The following IQCH variants were observed in gnomAD, a reference collection of about 807,000 sequenced individuals.
IQCH encodes IQ domain-containing protein H.
Under a neutral mutation model 117.0 loss-of-function variants are expected in IQCH, and 98 were observed. That is an observed-to-expected ratio of 0.84 (90% CI 0.71 to 0.99). The LOEUF (loss-of-function observed/expected upper bound fraction) is 0.99, where lower values mean the gene tolerates loss of function less well. IQCH is among the 50% of genes least tolerant of loss of function. The pLI is 0.00. For missense variants in IQCH, 1,102 were observed against 1,243.8 expected (o/e 0.89, Z 1.72); for synonymous variants, 412 against 448.2 (o/e 0.92, Z 1.02).
At chr15:67,341,652 T>C (rs549798731) in intron 5 of IQCH, among the ~76,000 whole-genome samples, 1 of 152,312 alleles carries the variant, frequency 6.6e-6, no homozygotes, top group African/African-American at 2.4e-5. Context: ...GGATGATTTT[T>C]TTTAAAAGTA....
chr15:67,340,257 A>G (rs182036847), intron 5 of IQCH, among the ~76,000 whole-genome samples: 14 of 151,866 alleles, frequency 9.2e-5, no homozygotes, highest in African/African-American at 2.9e-4. Context: ...GCAAAACCTC[A>G]TCTCTACTAA....
chr15:67,381,379 G>C lies in IQCH; in HGVS notation c.1373-3557G>C, dbSNP rs747225301. Among the ~76,000 whole-genome samples the C allele has an allele frequency of 1.3e-5, 2 of 152,140 alleles. No homozygotes were observed. Among genetic ancestry groups the C allele is most frequent in the African/African-American group, 2.4e-5 (1 of 41,426 alleles). On this transcript the variant is annotated intron_variant, in intron 10 of 20. Transcript: ENST00000335894. This position sits in a 1 kb window ranked among gnomAD's most constrained non-coding sequence, Gnocchi z 5.1. ...CTCTCAGGTAAGCTTCTTTGATGTA[G>C]AGACAATAATATTTCACAACTGCTT...
chr15:67,393,541 G>A lies in IQCH; in HGVS notation c.1633-1750G>A, dbSNP rs778268261. ...TTATTTTTATTTTTTATTTTTTTGAGACAGGGTCTTATTGTGTCACCCAGG... is the reference window on the plus strand; with the variant it reads ...TTATTTTTATTTTTTATTTTTTTGAAACAGGGTCTTATTGTGTCACCCAGG... On this transcript the variant is annotated intron_variant, in intron 12 of 20. Coordinates refer to ENST00000335894, the MANE Select transcript of IQCH (RefSeq NM_001031715.3). The surrounding 1 kb of genome is among the most constrained non-coding windows in gnomAD (Gnocchi z 5.5). Among the ~76,000 whole-genome samples, 14 of 151,730 alleles carry A rather than the reference G, an allele frequency of 9.2e-5. No homozygotes were observed. The highest frequency in any genetic ancestry group is 1.8e-4 in the Non-Finnish European group (12 of 67,960).
chr15:67,362,143 C>T (rs888601142), intron 8 of IQCH, among the ~76,000 whole-genome samples: 1 of 32,118 alleles, frequency 3.1e-5, no homozygotes, highest in African/African-American at 8.1e-5. Context: ...TACATATACG[C>T]ACACACCACA....
chr15:67,357,596 A>G (rs937614290), intron 7 of IQCH, among the ~76,000 whole-genome samples, 175 bp downstream of exon 7: 2 of 152,234 alleles, frequency 1.3e-5, no homozygotes, highest in African/African-American at 4.8e-5. Flanking sequence ...AGTCAACTCT[A>G]GCATAATGTT....
At chr15:67,326,120 CCCCACCCCACAACAGG>C (rs1340913794) in intron 4 of IQCH, among the ~76,000 whole-genome samples, 1 of 152,098 alleles carries the variant, frequency 6.6e-6, no homozygotes, top group East Asian at 1.9e-4. Flanking sequence ...TCCCCACTAC[CCCCACCCCACAACAGG>C]CCCTGGTGTG....
In IQCH at chr15:67,475,845, G is replaced by T. The variant is rs146302522; in HGVS notation, c.2799+27G>T. The T allele has an allele frequency of 1.2e-6, 2 of 1,608,478 alleles. No homozygotes were observed. Among genetic ancestry groups the T allele is most frequent in the South Asian group, 1.1e-5 (1 of 90,558 alleles). On this transcript the variant is annotated intron_variant, in intron 18 of 20. Coordinates refer to ENST00000335894, the MANE Select transcript of IQCH (RefSeq NM_001031715.3). The surrounding 1 kb of genome is among the most constrained non-coding windows in gnomAD (Gnocchi z 5.7). ...TATGAAGGGTTACAGTTGGCCAGGG[G>T]CGGCCAAAGACATGCCTGTGGGTGA...
chr15:67,388,157 G>A lies in IQCH; in HGVS notation c.1457-674G>A, dbSNP rs897370856. Among the ~76,000 whole-genome samples the A allele has an allele frequency of 6.6e-6, 1 of 152,168 alleles. No homozygotes were observed. The highest frequency in any genetic ancestry group is 2.4e-5 in the African/African-American group (1 of 41,444). On this transcript the variant is annotated intron_variant, in intron 11 of 20. Transcript: ENST00000335894. This position sits in a 1 kb window ranked among gnomAD's most constrained non-coding sequence, Gnocchi z 5.5. Reference sequence around the variant, plus strand: ...TCTCATTTCACTATTCCATTTGGATGGGATATTTAATTAGGGTTTCTTGCT... The same window carrying A: ...TCTCATTTCACTATTCCATTTGGATAGGATATTTAATTAGGGTTTCTTGCT...
intron 4 of IQCH, among the ~76,000 whole-genome samples, chr15:67,298,443 G>T (rs773532453): frequency 6.6e-6 from 1 of 152,066 alleles, no homozygotes; most frequent in Non-Finnish European, 1.5e-5. Context: ...CCACTAAAAT[G>T]ACTTTTATCT....
At chr15:67,428,283 T>C (rs964646629) in intron 16 of IQCH, among the ~76,000 whole-genome samples, 13 of 152,334 alleles carry the variant, frequency 8.5e-5, no homozygotes, top group African/African-American at 3.1e-4. Context: ...TGCAATATGA[T>C]AATTTTATAA....
intron 4 of IQCH, among the ~76,000 whole-genome samples, chr15:67,302,012 A>G (rs1967069423): frequency 6.6e-6 from 1 of 152,182 alleles, no homozygotes; most frequent in African/African-American, 2.4e-5. Flanking sequence ...ACACTACAGG[A>G]TTTTAAGGCC....
chr15:67,285,469 T>C (rs1966525970), intron 4 of IQCH, among the ~76,000 whole-genome samples: 1 of 152,046 alleles, frequency 6.6e-6, no homozygotes, highest in African/African-American at 2.4e-5. Context: ...TGTCAATTTT[T>C]GTTGACAAAA....
At chr15:67,349,115 A>G (rs1969536509) in intron 6 of IQCH, among the ~76,000 whole-genome samples, 5 of 152,250 alleles carry the variant, frequency 3.3e-5, no homozygotes, top group Admixed American at 3.3e-4. Flanking sequence ...TTAACCCAAA[A>G]TGGTTTATAA....
chr15:67,263,576 T>A (rs1461842643), intron 3 of IQCH, among the ~76,000 whole-genome samples: 1 of 152,242 alleles, frequency 6.6e-6, no homozygotes, highest in African/African-American at 2.4e-5. Context: ...CTTGACACCA[T>A]AATAATTATT....
Position 67,472,761 on chromosome 15 carries a change from C to T in IQCH, c.2677-2935C>T, listed in dbSNP as rs1228662498. On this transcript the variant is annotated intron_variant, in intron 17 of 20. Transcript: ENST00000335894. This position sits in a 1 kb window ranked among gnomAD's most constrained non-coding sequence, Gnocchi z 4.3. Reference sequence around the variant, plus strand: ...GCTTGTATCCTCACCTCTGACTCTCCAGGCAATAAAGGTCTGGACTAGGAT... The same window carrying T: ...GCTTGTATCCTCACCTCTGACTCTCTAGGCAATAAAGGTCTGGACTAGGAT... Among the ~76,000 whole-genome samples, 1 of 152,116 alleles carries T rather than the reference C, an allele frequency of 6.6e-6. No homozygotes were observed. The highest frequency in any genetic ancestry group is 2.4e-5 in the African/African-American group (1 of 41,410).
chr15:67,468,156 C>G (rs1001083433), intron 17 of IQCH, among the ~76,000 whole-genome samples: 1 of 152,176 alleles, frequency 6.6e-6, no homozygotes, highest in African/African-American at 2.4e-5. Flanking sequence ...CAATCATTAC[C>G]CTTTTCTGTC....
At position 67,431,567 on chromosome 15, in the gene IQCH, T is replaced by G. The variant is rs1190312389; in HGVS notation, c.2505+9990T>G. On this transcript the variant is annotated intron_variant, in intron 16 of 20. Transcript: ENST00000335894. The surrounding 1 kb of genome is among the most constrained non-coding windows in gnomAD (Gnocchi z 4.8). The stretch of plus-strand genomic sequence containing the variant: ...TTAATACCTGGGTGATGAAATAATG[T>G]GTACAACAAACCCCCATGGCACAAG... Among the ~76,000 whole-genome samples, 1 of 152,028 alleles carries G rather than the reference T, an allele frequency of 6.6e-6. No individual in the cohort carries two copies. Among genetic ancestry groups the G allele is most frequent in the Non-Finnish European group, 1.5e-5 (1 of 68,016 alleles).
chr15:67,446,165 G>C (rs997401427), intron 16 of IQCH, among the ~76,000 whole-genome samples: 1 of 152,218 alleles, frequency 6.6e-6, no homozygotes, highest in Non-Finnish European at 1.5e-5. Flanking sequence ...CCCAGATTTT[G>C]AGGGAAAGCA....
intron 3 of IQCH, among the ~76,000 whole-genome samples, chr15:67,268,299 G>GATAAGGA (rs774880927): frequency 3.3e-5 from 5 of 152,188 alleles, no homozygotes; most frequent in Non-Finnish European, 5.9e-5. Context: ...TTAAAACAAC[G>GATAAGGA]ATAAGGACGT....
Sources: gnomAD v4.1 joint callset for allele counts (sites outside exome capture counted in the v4.1 genomes callset) on GRCh38, gnomAD v4.1.1 for gene constraint, Gnocchi (gnomAD v3.1) non-coding constraint, MANE v1.5 for transcripts, NCBI Gene and HGNC (gene_info 2026-07-23, HGNC 2026-07-21) for gene names.